Variants in PIWIL2 observed in about 807,000 individuals in gnomAD.
PIWIL2 encodes the protein piwi like RNA-mediated gene silencing 2, also known as piwi-like protein 2.
A neutral mutation model predicts 116.5 loss-of-function variants in PIWIL2; 81 were observed. The ratio of observed to expected loss-of-function variants is 0.70; its 90% CI spans 0.58 to 0.84. The LOEUF is 0.84. PIWIL2 is among the 40% of genes least tolerant of loss of function. The probability of loss-of-function intolerance (pLI) is 0.00; values close to 1 mark genes in which losing one functional copy is unlikely to be tolerated. For missense variants in PIWIL2, 1,272 were observed against 1,212.3 expected (o/e 1.05, Z -0.73); for synonymous variants, 489 against 429.5 (o/e 1.14, Z -1.71).
At chr8:22,354,746 A>G (rs1215913802) in intron 22 of PIWIL2, among the ~76,000 whole-genome samples, 2 of 152,228 alleles carry the variant, frequency 1.3e-5, no homozygotes, top group Non-Finnish European at 2.9e-5. Flanking sequence ...CTTGTAAACA[A>G]GAAATATTTT....
chr8:22,321,541 T>A (rs1831599747), intron 20 of PIWIL2, among the ~76,000 whole-genome samples: 2 of 152,036 alleles, frequency 1.3e-5, no homozygotes, highest in South Asian at 4.2e-4. Flanking sequence ...AATGAAGACC[T>A]CATCTCTACA....
intron 14 of PIWIL2, among the ~76,000 whole-genome samples, chr8:22,309,174 C>A (rs148284005): frequency 0.011 from 1,645 of 151,902 alleles, 42 homozygotes; most frequent in African/African-American, 0.037. Context: ...CTTGGCCAGG[C>A]TGGTCTTGAA....
Position 22,354,331 on chromosome 8 carries a change from T to C in PIWIL2, c.2718T>C (p.Tyr906=), listed in dbSNP as rs1354322879. The change falls in exon 22 of 23, where the codon TAT becomes TAC. Residue 906 remains tyrosine (Y), a synonymous_variant. Coordinates refer to ENST00000356766, the MANE Select transcript of PIWIL2 (RefSeq NM_018068.5). ...VRQGCGIPTH[Y]VCVLNTANLS... ...AGGGCTGTGGCATTCCTACGCATTATGTCTGTGTTCTCAACACCGCAAACC... is the reference window on the plus strand; with the variant it reads ...AGGGCTGTGGCATTCCTACGCATTACGTCTGTGTTCTCAACACCGCAAACC... 6 of 1,613,792 alleles carry C rather than the reference T, an allele frequency of 3.7e-6. No homozygotes were observed. Among genetic ancestry groups the C allele is most frequent in the East Asian group, 2.2e-5 (1 of 44,894 alleles).
chr8:22,317,779 C>A (rs992840681), intron 19 of PIWIL2, among the ~76,000 whole-genome samples: 4 of 152,114 alleles, frequency 2.6e-5, no homozygotes, highest in African/African-American at 9.7e-5. Flanking sequence ...CCTGCCTCAG[C>A]CTCCCGAGTA....
intron 20 of PIWIL2, among the ~76,000 whole-genome samples, chr8:22,324,253 C>T (rs1027130875): frequency 6.6e-6 from 1 of 152,116 alleles, no homozygotes; most frequent in East Asian, 1.9e-4. Context: ...CAAAGCAAGA[C>T]TTTGTCTCAA....
intron 20 of PIWIL2, among the ~76,000 whole-genome samples, chr8:22,327,662 C>T (rs912902120): frequency 1.3e-5 from 2 of 152,082 alleles, no homozygotes; most frequent in East Asian, 1.9e-4. Flanking sequence ...TCACCATGCC[C>T]GGCTTGAATC....
intron 20 of PIWIL2, chr8:22,321,763 C>T: frequency 4.7e-6 from 2 of 423,552 alleles, no homozygotes; most frequent in Non-Finnish European, 6.3e-6. Flanking sequence ...TATCCTGACT[C>T]AGCAGCCTCA....
At chr8:22,316,121 C>T in intron 18 of PIWIL2, 124 bp from the exon 19 acceptor site, 3 of 597,610 alleles carry the variant, frequency 5.0e-6, no homozygotes, top group Non-Finnish European at 6.0e-6. Context: ...TTTTCTTTCC[C>T]AGAACTTACT....
chr8:22,318,192 C>T lies in PIWIL2; in HGVS notation c.2320C>T (p.Arg774Trp), dbSNP rs369997928. The T allele has an allele frequency of 2.1e-5, 34 of 1,612,156 alleles. No homozygotes were observed. The highest frequency in any genetic ancestry group is 2.7e-5 in the Non-Finnish European group (32 of 1,178,420). ...TAGCACCCTCACAAAATGGTATTCC[C>T]GGGTGGTGTTCCAGATGCCGCATCA... ...INLTLTKWYS[R>W]VVFQMPHQEI... Residue 774 changes from arginine to tryptophan, a missense_variant, in exon 20 of 23, where the codon CGG (arginine) becomes TGG (tryptophan). Transcript: ENST00000356766.
intron 16 of PIWIL2, among the ~76,000 whole-genome samples, chr8:22,313,381 T>C (rs1831378423): frequency 6.6e-6 from 1 of 152,232 alleles, no homozygotes; most frequent in African/African-American, 2.4e-5. Flanking sequence ...TGCTTGTTTG[T>C]TGGTAAAGGC....
At chr8:22,301,799 G>A (rs1370498181) in intron 10 of PIWIL2, among the ~76,000 whole-genome samples, 2 of 151,924 alleles carry the variant, frequency 1.3e-5, no homozygotes, top group African/African-American at 4.8e-5. Context: ...TTTTACAGGT[G>A]ATGTCAGGTA....
intron 20 of PIWIL2, among the ~76,000 whole-genome samples, chr8:22,321,238 G>A (rs1225150626): frequency 1.3e-5 from 2 of 151,660 alleles, no homozygotes; most frequent in African/African-American, 2.4e-5. Context: ...ATCCTCCAGA[G>A]TAGCAGGGAC....
intron 1 of PIWIL2, among the ~76,000 whole-genome samples, chr8:22,276,603 C>T (rs764134591): frequency 1.0e-3 from 158 of 152,240 alleles, no homozygotes; most frequent in Middle Eastern, 3.4e-3. Context: ...CGCGAGCCAC[C>T]ACCCCCGGCC....
intron 20 of PIWIL2, among the ~76,000 whole-genome samples, chr8:22,328,569 G>T (rs149589733): frequency 1.3e-5 from 2 of 152,194 alleles, no homozygotes; most frequent in Non-Finnish European, 2.9e-5. Flanking sequence ...ATGGACACAG[G>T]ATGTCTTTCT....
At chr8:22,355,086 A>G (rs186545388) in intron 22 of PIWIL2, among the ~76,000 whole-genome samples, 7,257 of 150,806 alleles carry the variant, frequency 0.048, 264 homozygotes, top group Admixed American at 0.084. Context: ...AAAACAAAAC[A>G]AAAAACAACA....
intron 20 of PIWIL2, among the ~76,000 whole-genome samples, chr8:22,336,612 A>G (rs1248973751): frequency 2.0e-5 from 3 of 152,126 alleles, no homozygotes; most frequent in Non-Finnish European, 4.4e-5. Context: ...GAAGGAAATA[A>G]TAGACATTAG....
At position 22,296,319 on chromosome 8, in the gene PIWIL2, A is replaced by G. The variant is rs564099516; in HGVS notation, c.1181+5973A>G. Among the ~76,000 whole-genome samples the G allele has an allele frequency of 2.2e-4, 34 of 152,142 alleles. No homozygotes were observed. In the South Asian group the frequency reaches 3.7e-3, roughly 17 times the overall value. ...CTCAGTCTCCCAAAGTGCTGGGATT[A>G]CAGGCATGAGCCACCGCGCCTGGCC... On this transcript the variant is annotated intron_variant, in intron 10 of 22. Coordinates refer to ENST00000356766, the MANE Select transcript of PIWIL2 (RefSeq NM_018068.5).
intron 7 of PIWIL2, 141 bp downstream of exon 7, chr8:22,287,786 C>G: frequency 3.1e-6 from 2 of 642,762 alleles, no homozygotes; most frequent in Admixed American, 2.2e-5. Context: ...GGACTACAGG[C>G]GTGTGAGCCA....
rs976678639 is a variant in PIWIL2, at chr8:22,320,700, C to T, written c.2403+2425C>T. Among the ~76,000 whole-genome samples the T allele has an allele frequency of 1.9e-4, 29 of 151,982 alleles. 1 individual carries two copies. Among genetic ancestry groups the T allele is most frequent in the Middle Eastern group, 3.4e-3 (1 of 294 alleles). On this transcript the variant is annotated intron_variant, in intron 20 of 22. Coordinates refer to ENST00000356766, the MANE Select transcript of PIWIL2 (RefSeq NM_018068.5). ...CCGCCTCCCGGGTTCAAGCAATTCTCCTGCCTCAGCCTCCCATGTAGCTGG... is the reference window on the plus strand; with the variant it reads ...CCGCCTCCCGGGTTCAAGCAATTCTTCTGCCTCAGCCTCCCATGTAGCTGG...
Sources: allele counts gnomAD v4.1 joint callset (sites outside exome capture counted in the v4.1 genomes callset), GRCh38; gene constraint gnomAD v4.1.1; transcripts MANE v1.5; gene names NCBI Gene and HGNC (gene_info 2026-07-23, HGNC 2026-07-21).